Variants in L2HGDH observed in about 807,000 individuals in gnomAD.
The protein encoded by L2HGDH is L-2-hydroxyglutarate dehydrogenase, mitochondrial.
A neutral mutation model predicts 51.5 loss-of-function variants in L2HGDH; 34 were observed. The ratio of observed to expected loss-of-function variants is 0.66; its 90% CI spans 0.50 to 0.88. The LOEUF (loss-of-function observed/expected upper bound fraction) is 0.88. Ranked by LOEUF, L2HGDH falls within the 40% of genes least tolerant of loss-of-function variation. The pLI is 0.00. For missense variants in L2HGDH, 558 were observed against 571.9 expected (o/e 0.98, Z 0.25); for synonymous variants, 198 against 197.9 (o/e 1.00, Z -0.01).
intron 5 of L2HGDH, 136 bp from the exon 6 acceptor site, chr14:50,278,690 T>C (rs1363970560): frequency 1.7e-6 from 1 of 598,674 alleles, no homozygotes; most frequent in Non-Finnish European, 3.0e-6. Context: ...TTCTGAAACT[T>C]TTTACCAAAT....
rs1887889893 is a variant in L2HGDH, at chr14:50,243,748, T to G, written c.*3310A>C. 1 of 156,960 alleles carries G rather than the reference T, an allele frequency of 6.4e-6. No individual in the cohort carries two copies. Among genetic ancestry groups the G allele is most frequent in the Non-Finnish European group, 1.4e-5 (1 of 73,596 alleles). 9.7% of individuals were successfully genotyped at this position (156,960 alleles called of 1,614,324 possible). A position where few individuals can be genotyped will look rare whatever the true frequency, so the allele number is the denominator to read the frequency against. ...GCACAATGTGCAGGTTAGTTACATA[T>G]GTATACATGTGCCGTGCTGGTGTGC... is the stretch of plus-strand genomic sequence containing the variant. On this transcript the variant is annotated 3_prime_UTR_variant, in exon 10 of 10. Transcript: ENST00000267436.
chr14:50,310,802 G>A (rs1278921368), intron 1 of L2HGDH, among the ~76,000 whole-genome samples: 1 of 151,892 alleles, frequency 6.6e-6, no homozygotes, highest in African/African-American at 2.4e-5. Context: ...CTGTCCACAT[G>A]CCCCATAACA....
Position 50,312,100 on chromosome 14 carries a change from C to T in L2HGDH, c.51G>A (p.Gly17=). ...CCCCAGGGGAGCCACCGGCGAAAAG[C>T]CCGCGGGCCCGTCCGCAGGCACCAA... ...YLVGACGRAR[G]LFAGGSPGAC... The change falls in exon 1 of 10, where the codon GGG becomes GGA. Residue 17 remains glycine, a synonymous_variant. Coordinates refer to ENST00000267436, the MANE Select transcript of L2HGDH (RefSeq NM_024884.3). 2 of 1,608,020 alleles carry T rather than the reference C, an allele frequency of 1.2e-6. No individual in the cohort carries two copies. Among genetic ancestry groups the T allele is most frequent in the Non-Finnish European group, 1.7e-6 (2 of 1,178,136 alleles).
intron 3 of L2HGDH, among the ~76,000 whole-genome samples, chr14:50,295,170 A>G (rs531545194): frequency 1.3e-5 from 2 of 152,316 alleles, no homozygotes; most frequent in South Asian, 2.1e-4. Flanking sequence ...CTAGACTTTT[A>G]TATCTTGCCT....
Position 50,263,433 on chromosome 14 carries a change from T to C in L2HGDH, c.1196+1925A>G, listed in dbSNP as rs189582233. Among the ~76,000 whole-genome samples, 4 of 152,356 alleles carry C rather than the reference T, an allele frequency of 2.6e-5. No homozygotes were observed. The East Asian group carries it at 5.8e-4, about 22-fold the overall frequency. ...TTCAAACATGCTGGTCTCAGAATGA[T>C]ACATTACAGTCAGATTTAAACGAGG... is the stretch of plus-strand genomic sequence containing the variant. On this transcript the variant is annotated intron_variant, in intron 9 of 9. Coordinates refer to ENST00000267436, the MANE Select transcript of L2HGDH (RefSeq NM_024884.3).
chr14:50,301,956 T>C, intron 3 of L2HGDH, 61 bp downstream of exon 3: 4 of 1,536,626 alleles, frequency 2.6e-6, no homozygotes, highest in Non-Finnish European at 2.7e-6. Context: ...AAATGTAATA[T>C]TAAACATCAC....
At chr14:50,248,922 A>G (rs1275247476) in intron 9 of L2HGDH, among the ~76,000 whole-genome samples, 1 of 152,214 alleles carries the variant, frequency 6.6e-6, no homozygotes, top group South Asian at 2.1e-4. Flanking sequence ...ATGGTCTTGC[A>G]TCGCCAATGC....
chr14:50,301,947 A>T, intron 3 of L2HGDH, 70 bp downstream of exon 3: 2 of 1,479,786 alleles, frequency 1.4e-6, no homozygotes, highest in Non-Finnish European at 9.4e-7. Context: ...ATTTTTAAAA[A>T]ATGTAATATT....
At chr14:50,288,819 A>G (rs1182115808) in intron 4 of L2HGDH, among the ~76,000 whole-genome samples, 2 of 152,198 alleles carry the variant, frequency 1.3e-5, no homozygotes, top group African/African-American at 4.8e-5. Context: ...TTTTCTGTCT[A>G]TAAAGCCAAC....
intron 9 of L2HGDH, among the ~76,000 whole-genome samples, chr14:50,254,823 G>C (rs1888565015): frequency 6.6e-6 from 1 of 151,964 alleles, no homozygotes; most frequent in South Asian, 2.1e-4. Flanking sequence ...TGGATCACTT[G>C]AACACAGGAG....
chr14:50,258,717 T>C (rs1888819560), intron 9 of L2HGDH, among the ~76,000 whole-genome samples: 1 of 152,140 alleles, frequency 6.6e-6, no homozygotes, highest in Non-Finnish European at 1.5e-5. Context: ...TCTTGCTATA[T>C]TGTCCAGGCT....
Position 50,255,894 on chromosome 14 carries a change from G to C in L2HGDH, c.1197-8641C>G, listed in dbSNP as rs143081275. The stretch of plus-strand genomic sequence containing the variant: ...AAACATAAAATTAGCCAGCCATCAT[G>C]GCACATGCTTGTAATCCCAGCTACT... On this transcript the variant is annotated intron_variant, in intron 9 of 9. Coordinates refer to ENST00000267436, the MANE Select transcript of L2HGDH (RefSeq NM_024884.3). 2.0e-4 allele frequency among the ~76,000 whole-genome samples: 31 copies of C among 152,084 alleles called. No individual in the cohort carries two copies. The East Asian group carries it at 5.8e-3, about 28-fold the overall frequency.
chr14:50,278,668 C>A (rs1193570137), intron 5 of L2HGDH, 114 bp from the exon 6 acceptor site: 20 of 630,768 alleles, frequency 3.2e-5, no homozygotes, highest in Non-Finnish European at 4.9e-5. Context: ...TATGATTGCA[C>A]CTTACAGTTC....
At chr14:50,293,325 A>G (rs2029872796) in intron 4 of L2HGDH, 3 of 696,622 alleles carry the variant, frequency 4.3e-6, no homozygotes. Flanking sequence ...AACTTATACC[A>G]TATATAAAAA....
chr14:50,305,910 T>C, intron 1 of L2HGDH, among the ~76,000 whole-genome samples: 1 of 152,228 alleles, frequency 6.6e-6, no homozygotes, highest in East Asian at 1.9e-4. Context: ...TAGTACCATG[T>C]AAATGCTATG....
intron 9 of L2HGDH, among the ~76,000 whole-genome samples, chr14:50,249,187 G>T: frequency 6.6e-6 from 1 of 152,280 alleles, no homozygotes; most frequent in South Asian, 2.1e-4. Context: ...CCTCACCACC[G>T]TGGGCTGAAA....
chr14:50,245,262 A>C lies in L2HGDH; in HGVS notation c.*1796T>G. On this transcript the variant is annotated 3_prime_UTR_variant, in exon 10 of 10. Coordinates refer to ENST00000267436, the MANE Select transcript of L2HGDH (RefSeq NM_024884.3). ...GAGCCTTAGTGTGACTAAAGATCAG[A>C]GATATAATAGATAAATAACTTTTTT... 1.0e-6 allele frequency: 1 copy of C among 985,048 alleles called. No homozygotes were observed. Among genetic ancestry groups the C allele is most frequent in the Non-Finnish European group, 1.2e-6 (1 of 829,568 alleles). 61.0% of individuals were successfully genotyped at this position (985,048 alleles called of 1,614,324 possible).
chr14:50,309,899 T>G (rs960391751), intron 1 of L2HGDH, among the ~76,000 whole-genome samples: 2 of 152,096 alleles, frequency 1.3e-5, no homozygotes, highest in African/African-American at 4.8e-5. Flanking sequence ...CTCCCTTTGT[T>G]GCCCAGGCTG....
chr14:50,258,703 G>A (rs1321849335), intron 9 of L2HGDH, among the ~76,000 whole-genome samples: 3 of 151,748 alleles, frequency 2.0e-5, no homozygotes, highest in African/African-American at 7.3e-5. Context: ...TGGTATAGAT[G>A]GGGTCTTGCT....
Sources: allele counts gnomAD v4.1 joint callset (sites outside exome capture counted in the v4.1 genomes callset), GRCh38; gene constraint gnomAD v4.1.1; transcripts MANE v1.5; gene names NCBI Gene and HGNC (gene_info 2026-07-23, HGNC 2026-07-21).